RBMS1: variants seen among roughly 807,000 people sequenced by gnomAD.
RBMS1 encodes the protein RNA binding motif single stranded interacting protein 1, also known as RNA-binding motif, single-stranded-interacting protein 1.
A neutral mutation model predicts 62.3 loss-of-function variants in RBMS1; 17 were observed. The ratio of observed to expected loss-of-function variants is 0.27; its 90% CI spans 0.19 to 0.41. RBMS1 has a LOEUF of 0.41. Ranked by LOEUF, RBMS1 falls within the 10% of genes least tolerant of loss-of-function variation. The probability of loss-of-function intolerance (pLI) is 1.00; values close to 1 mark genes in which losing one functional copy is unlikely to be tolerated. For missense variants in RBMS1, 334 were observed against 504.5 expected (o/e 0.66, Z 3.24); for synonymous variants, 172 against 170.0 (o/e 1.01, Z -0.09).
chr2:160,387,898 G>T (rs796257850), intron 1 of RBMS1, among the ~76,000 whole-genome samples: 96 of 152,210 alleles, frequency 6.3e-4, no homozygotes, highest in African/African-American at 2.2e-3. Flanking sequence ...GAACCCAGAG[G>T]TTTATGCCTG....
intron 2 of RBMS1, among the ~76,000 whole-genome samples, chr2:160,350,795 A>C (rs2106005156): frequency 6.6e-6 from 1 of 152,268 alleles, no homozygotes; most frequent in East Asian, 1.9e-4. Flanking sequence ...GCTATTGTGA[A>C]TAGTGCTGCA....
intron 1 of RBMS1, among the ~76,000 whole-genome samples, chr2:160,426,834 C>A (rs116484018): frequency 0.018 from 2,747 of 148,746 alleles, 39 homozygotes; most frequent in Non-Finnish European, 0.029. Context: ...TATCTCACTG[C>A]TGGAGGGAGG....
chr2:160,319,389 G>C (rs1421708616), intron 2 of RBMS1, among the ~76,000 whole-genome samples: 1 of 152,150 alleles, frequency 6.6e-6, no homozygotes, highest in Non-Finnish European at 1.5e-5. Context: ...GTGCATGCCT[G>C]TAGTACCAGC....
At chr2:160,450,011 C>T (rs1462880024) in intron 1 of RBMS1, among the ~76,000 whole-genome samples, 1 of 152,064 alleles carries the variant, frequency 6.6e-6, no homozygotes. Context: ...CCACCTCAAG[C>T]CCACCCTCCT....
intron 1 of RBMS1, among the ~76,000 whole-genome samples, chr2:160,376,381 T>A (rs188247639): frequency 4.6e-5 from 7 of 152,298 alleles, no homozygotes; most frequent in African/African-American, 1.7e-4. Context: ...GAACAAGTAT[T>A]TGCAATCTCC....
At chr2:160,286,931 C>T in intron 7 of RBMS1, 38 bp downstream of exon 7, 2 of 1,608,688 alleles carry the variant, frequency 1.2e-6, no homozygotes, top group Non-Finnish European at 1.7e-6. Flanking sequence ...AGATCACACC[C>T]CCTCCCCCAC....
At chr2:160,423,565 G>GCAC (rs1696520829) in intron 1 of RBMS1, among the ~76,000 whole-genome samples, 1 of 152,164 alleles carries the variant, frequency 6.6e-6, no homozygotes, top group Admixed American at 6.6e-5. Flanking sequence ...TTTTATGACA[G>GCAC]CACCAGCCAC....
In RBMS1 at chr2:160,493,458, A is replaced by T; in HGVS notation, c.-95T>A. 6.6e-6 allele frequency: 8 copies of T among 1,219,534 alleles called. No homozygotes were observed. The highest frequency in any genetic ancestry group is 9.4e-6 in the Non-Finnish European group (8 of 848,112). 75.5% of individuals were successfully genotyped at this position (1,219,534 alleles called of 1,614,324 possible). A position where few individuals can be genotyped will look rare whatever the true frequency, so the allele number is the denominator to read the frequency against. ...CCTCTCCCTTTCCGGCGGCGGCGGCAGCGGCGGCGGCGGCGGCGGCTGCTG... is the reference window on the plus strand; with the variant it reads ...CCTCTCCCTTTCCGGCGGCGGCGGCTGCGGCGGCGGCGGCGGCGGCTGCTG... On this transcript the variant is annotated 5_prime_UTR_variant, in exon 1 of 14. Transcript: ENST00000348849.
chr2:160,389,310 A>G (rs1405731927), intron 1 of RBMS1, among the ~76,000 whole-genome samples: 2 of 152,258 alleles, frequency 1.3e-5, no homozygotes, highest in South Asian at 4.1e-4. Context: ...CATGAAATAC[A>G]TAAATGCTAT....
intron 2 of RBMS1, among the ~76,000 whole-genome samples, chr2:160,366,455 G>T (rs1300706562): frequency 6.6e-6 from 1 of 152,132 alleles, no homozygotes; most frequent in Non-Finnish European, 1.5e-5. Context: ...ATATGTGTAG[G>T]CTTTTCTAGC....
Position 160,285,054 on chromosome 2 carries a change from A to G in RBMS1, c.757-10T>C, listed in dbSNP as rs200156225. On this transcript the variant is annotated splice_polypyrimidine_tract_variant and intron_variant, in intron 7 of 13. Coordinates refer to ENST00000348849, the MANE Select transcript of RBMS1 (RefSeq NM_016836.4). ...TAAGTGTCATTCCAGCCTATGGGAA[A>G]GAGAAAGAAATATAAACATTCATCT... 6.2e-7 allele frequency: 1 copy of G among 1,609,266 alleles called. No homozygotes were observed. Among genetic ancestry groups the G allele is most frequent in the Non-Finnish European group, 8.5e-7 (1 of 1,175,586 alleles).
At chr2:160,425,337 T>G (rs1422182250) in intron 1 of RBMS1, among the ~76,000 whole-genome samples, 1 of 152,234 alleles carries the variant, frequency 6.6e-6, no homozygotes, top group Non-Finnish European at 1.5e-5. Flanking sequence ...CAGCTGGCTT[T>G]TAATTAATTT....
At chr2:160,289,465 T>C (rs1249977532) in intron 6 of RBMS1, among the ~76,000 whole-genome samples, 2 of 152,218 alleles carry the variant, frequency 1.3e-5, no homozygotes, top group Non-Finnish European at 2.9e-5. Context: ...TACCCCAATA[T>C]TCCATGTGAA....
intron 10 of RBMS1, among the ~76,000 whole-genome samples, chr2:160,280,275 CTATG>C (rs1688035766): frequency 6.6e-6 from 1 of 152,090 alleles, no homozygotes; most frequent in African/African-American, 2.4e-5. Context: ...GAAGATGTGT[CTATG>C]TATGTGCACA....
chr2:160,493,283 C>G lies in RBMS1; in HGVS notation c.75+6G>C. 1.2e-6 allele frequency: 2 copies of G among 1,613,022 alleles called. No individual in the cohort carries two copies. The highest frequency in any genetic ancestry group is 1.1e-5 in the South Asian group (1 of 91,062). On this transcript the variant is annotated splice_donor_region_variant and intron_variant, in intron 1 of 13. Coordinates refer to ENST00000348849, the MANE Select transcript of RBMS1 (RefSeq NM_016836.4). Reference sequence around the variant, plus strand: ...CGGCCGTCACCTCTCCCCGGCGCCCCTTTACCTTGGCTTGCAGATACTGGG... The same window carrying G: ...CGGCCGTCACCTCTCCCCGGCGCCCGTTTACCTTGGCTTGCAGATACTGGG...
chr2:160,424,377 G>GA (rs1553522139), intron 1 of RBMS1, among the ~76,000 whole-genome samples: 34 of 147,376 alleles, frequency 2.3e-4, no homozygotes, highest in African/African-American at 7.4e-4. Flanking sequence ...GGGGGGGGGG[G>GA]AAACAAAAAG....
At chr2:160,390,407 GGGCTCAAGACTGAT>G (rs1260915659) in intron 1 of RBMS1, among the ~76,000 whole-genome samples, 1 of 152,188 alleles carries the variant, frequency 6.6e-6, no homozygotes, top group Non-Finnish European at 1.5e-5. Context: ...AAGAAAGGAA[GGGCTCAAGACTGAT>G]GGCTCATGCC....
intron 4 of RBMS1, among the ~76,000 whole-genome samples, chr2:160,310,077 C>T (rs1276095112): frequency 6.6e-6 from 1 of 152,184 alleles, no homozygotes; most frequent in Non-Finnish European, 1.5e-5. Flanking sequence ...GAGCCTATTT[C>T]ACATTATGTT....
chr2:160,276,533 C>T (rs1211466352), intron 12 of RBMS1: 2 of 152,252 alleles, frequency 1.3e-5, no homozygotes, highest in Admixed American at 1.3e-4. Flanking sequence ...TTTAAGGATA[C>T]TTTGCAGGAA....
Sources: allele counts gnomAD v4.1 joint callset (sites outside exome capture counted in the v4.1 genomes callset), GRCh38; gene constraint gnomAD v4.1.1; transcripts MANE v1.5; gene names NCBI Gene and HGNC (gene_info 2026-07-23, HGNC 2026-07-21).